The following PRKRIP1 variants were observed in gnomAD, a reference collection of about 807,000 sequenced individuals.
The protein encoded by PRKRIP1 is PRKR-interacting protein 1.
A neutral mutation model predicts 29.3 loss-of-function variants in PRKRIP1; 29 were observed. The ratio of observed to expected loss-of-function variants is 0.99; its 90% confidence interval spans 0.74 to 1.35. The LOEUF is 1.35. Ranked by LOEUF, PRKRIP1 falls within the 40% of genes most tolerant of loss-of-function variation. The probability of loss-of-function intolerance (pLI) is 0.00; values close to 1 mark genes in which losing one functional copy is unlikely to be tolerated. For missense variants in PRKRIP1, 247 were observed against 236.8 expected, an observed-to-expected ratio of 1.04 and a Z score of -0.28; for synonymous variants, 90 against 85.1, an observed-to-expected ratio of 1.06 and a Z score of -0.32.
chr7:102,416,706 GTCTC>G (rs1262235235), intron 5 of PRKRIP1, among the ~76,000 whole-genome samples: 1 of 151,248 alleles, frequency 6.6e-6, no homozygotes, highest in African/African-American at 2.4e-5. Context: ...TGGAGACAGG[GTCTC>G]TCTCTGTTGC....
At chr7:102,412,147 A>G (rs907322063) in intron 5 of PRKRIP1, among the ~76,000 whole-genome samples, 14 of 152,140 alleles carry the variant, frequency 9.2e-5, no homozygotes, top group Non-Finnish European at 8.8e-5. Flanking sequence ...GATTACAGAC[A>G]TGAGCCACCA....
chr7:102,407,541 T>G (rs1554572024), intron 5 of PRKRIP1, 43 bp downstream of exon 5: 1 of 1,460,936 alleles, frequency 6.8e-7, no homozygotes, highest in South Asian at 1.1e-5. Flanking sequence ...TCTTTCTTCT[T>G]GTTGGTCACA....
At chr7:102,397,510 C>A in intron 1 of PRKRIP1, 110 bp from the exon 2 acceptor site, 2 of 825,182 alleles carry the variant, frequency 2.4e-6, no homozygotes, top group South Asian at 1.6e-5. Flanking sequence ...TGCACCACTG[C>A]ACTCCAGCCT....
chr7:102,409,255 C>T (rs1796310689), intron 5 of PRKRIP1, among the ~76,000 whole-genome samples: 2 of 152,090 alleles, frequency 1.3e-5, no homozygotes, highest in South Asian at 2.1e-4. Context: ...TGTGACACAT[C>T]GGATATGGTT....
rs782257934 is a variant in PRKRIP1, at chr7:102,397,711, T to C, written c.205+13T>C. 1 of 554,578 alleles carries C rather than the reference T, an allele frequency of 1.8e-6. No homozygotes were observed. Among genetic ancestry groups the C allele is most frequent in the Non-Finnish European group, 2.3e-6 (1 of 433,552 alleles). The allele number at this position is 554,578 out of a possible 1,614,324, so 34.4% of individuals were successfully genotyped here. Reference sequence around the variant, plus strand: ...CGAGATGTCATGGGTAATGGCTGTGTGTGTGTGTGTGTGTGTGTGTGTGTG... The same window carrying C: ...CGAGATGTCATGGGTAATGGCTGTGCGTGTGTGTGTGTGTGTGTGTGTGTG... On this transcript the variant is annotated intron_variant, in intron 2 of 5. Coordinates refer to ENST00000397912, the MANE Select transcript of PRKRIP1 (RefSeq NM_024653.4).
chr7:102,414,712 CTA>C (rs782646501), intron 5 of PRKRIP1, among the ~76,000 whole-genome samples: 2 of 152,098 alleles, frequency 1.3e-5, no homozygotes, highest in Non-Finnish European at 2.9e-5. Context: ...TGGTAAAACC[CTA>C]TCTCTACACA....
At chr7:102,416,659 C>T (rs561872713) in intron 5 of PRKRIP1, among the ~76,000 whole-genome samples, 4 of 145,972 alleles carry the variant, frequency 2.7e-5, no homozygotes, top group South Asian at 2.2e-4. Context: ...GTACTGCCAA[C>T]GTGGCCATCA....
Position 102,397,712 on chromosome 7 carries a change from GTGT to G in PRKRIP1, c.205+15_205+17del. 1 of 686,240 alleles carries G rather than the reference GTGT, an allele frequency of 1.5e-6. No homozygotes were observed. The highest frequency in any genetic ancestry group is 2.0e-6 in the Non-Finnish European group (1 of 497,452). The allele number at this position is 686,240 out of a possible 1,614,324, so 42.5% of individuals were successfully genotyped here. ...GAGATGTCATGGGTAATGGCTGTGT[GTGT>G]GTGTGTGTGTGTGTGTGTGTGTAAA... On this transcript the variant is annotated intron_variant, in intron 2 of 5. Coordinates refer to ENST00000397912, the MANE Select transcript of PRKRIP1 (RefSeq NM_024653.4).
At chr7:102,408,798 G>A (rs968216809) in intron 5 of PRKRIP1, among the ~76,000 whole-genome samples, 1 of 151,994 alleles carries the variant, frequency 6.6e-6, no homozygotes, top group Non-Finnish European at 1.5e-5. Flanking sequence ...AATCACTTGA[G>A]CCCAGGAGGC....
intron 5 of PRKRIP1, among the ~76,000 whole-genome samples, chr7:102,414,532 G>A (rs1796479266): frequency 6.6e-6 from 1 of 152,154 alleles, no homozygotes; most frequent in African/African-American, 2.4e-5. Flanking sequence ...TCCAGTACTT[G>A]TCTTCTGTGA....
At position 102,396,368 on chromosome 7, in the gene PRKRIP1, T is replaced by G. The variant is rs1554570288; in HGVS notation, c.-44T>G. On this transcript the variant is annotated 5_prime_UTR_variant, in exon 1 of 6. Coordinates refer to ENST00000397912, the MANE Select transcript of PRKRIP1 (RefSeq NM_024653.4). ...CGGCGCGCGGCTGTGTCGTCATACT[T>G]GCGCGCCGACGCCGCCGCTCGCTTG... 1.4e-6 allele frequency: 2 copies of G among 1,476,338 alleles called. No homozygotes were observed. Among genetic ancestry groups the G allele is most frequent in the South Asian group, 1.3e-5 (1 of 78,616 alleles). The allele number at this position is 1,476,338 out of a possible 1,614,324, so 91.5% of individuals were successfully genotyped here.
At chr7:102,418,954 C>T (rs150891065) in intron 5 of PRKRIP1, among the ~76,000 whole-genome samples, 1,599 of 152,234 alleles carry the variant, frequency 0.011, 12 homozygotes, top group Non-Finnish European at 0.015. Context: ...CCTCAACCTC[C>T]CAAAGTGCTG....
chr7:102,414,064 C>G (rs1796468253), intron 5 of PRKRIP1, among the ~76,000 whole-genome samples: 1 of 152,046 alleles, frequency 6.6e-6, no homozygotes, highest in Non-Finnish European at 1.5e-5. Context: ...CCTGTCTCTA[C>G]TAAAATACAA....
intron 5 of PRKRIP1, among the ~76,000 whole-genome samples, chr7:102,410,144 C>T (rs1554572358): frequency 6.6e-6 from 1 of 152,116 alleles, no homozygotes; most frequent in Non-Finnish European, 1.5e-5. Context: ...CTGCAATTTG[C>T]TGTAGCCTTT....
chr7:102,422,533 G>T (rs1796722875), intron 5 of PRKRIP1, among the ~76,000 whole-genome samples: 1 of 151,930 alleles, frequency 6.6e-6, no homozygotes, highest in Admixed American at 6.6e-5. Context: ...GTAGAGACGG[G>T]GTTTCGCCAT....
intron 5 of PRKRIP1, among the ~76,000 whole-genome samples, chr7:102,412,754 T>G (rs1398788822): frequency 6.6e-6 from 1 of 152,200 alleles, no homozygotes; most frequent in Non-Finnish European, 1.5e-5. Context: ...TCAAGCTATT[T>G]TGGCTCTTCT....
Position 102,399,662 on chromosome 7 carries a change from A to C in PRKRIP1, c.306+14A>C, listed in dbSNP as rs1338635687. On this transcript the variant is annotated intron_variant, in intron 3 of 5. Coordinates refer to ENST00000397912, the MANE Select transcript of PRKRIP1 (RefSeq NM_024653.4). ...ATGGCTGAGAAGGTCAGTGAGCCAGAAGGCTGGCTGAGCCCCCATGTTTGG... is the reference window on the plus strand; with the variant it reads ...ATGGCTGAGAAGGTCAGTGAGCCAGCAGGCTGGCTGAGCCCCCATGTTTGG... 6.3e-7 allele frequency: 1 copy of C among 1,586,602 alleles called. No individual in the cohort carries two copies. Among genetic ancestry groups the C allele is most frequent in the East Asian group, 2.2e-5 (1 of 44,768 alleles).
In PRKRIP1 at chr7:102,426,077, C is replaced by G. The variant is rs1475488892; in HGVS notation, c.*966C>G. 1 of 152,956 alleles carries G rather than the reference C, an allele frequency of 6.5e-6. No individual in the cohort carries two copies. The highest frequency in any genetic ancestry group is 2.4e-5 in the African/African-American group (1 of 41,476). 9.5% of individuals were successfully genotyped at this position (152,956 alleles called of 1,614,324 possible). A position where few individuals can be genotyped will look rare whatever the true frequency, so the allele number is the denominator to read the frequency against. ...ATGTGGCGCAGCCTCAAACTGGCATCCAGGCACTGGGCCCATGCAGAGAAG... is the reference window on the plus strand; with the variant it reads ...ATGTGGCGCAGCCTCAAACTGGCATGCAGGCACTGGGCCCATGCAGAGAAG... On this transcript the variant is annotated 3_prime_UTR_variant, in exon 6 of 6. Coordinates refer to ENST00000397912, the MANE Select transcript of PRKRIP1 (RefSeq NM_024653.4).
chr7:102,420,106 G>C (rs890605549), intron 5 of PRKRIP1, among the ~76,000 whole-genome samples: 1 of 152,064 alleles, frequency 6.6e-6, no homozygotes, highest in East Asian at 1.9e-4. Flanking sequence ...GGCTGGTCTC[G>C]AACTCGTGAC....
Sources: gnomAD v4.1 joint callset for allele counts (sites outside exome capture counted in the v4.1 genomes callset) on GRCh38, gnomAD v4.1.1 for gene constraint, MANE v1.5 for transcripts, NCBI Gene and HGNC (gene_info 2026-07-23, HGNC 2026-07-21) for gene names.